SMARCC1: variants seen among roughly 807,000 people sequenced by gnomAD.
SMARCC1 encodes SWI/SNF related BAF chromatin remodeling complex subunit C1, also known as SWI/SNF complex subunit SMARCC1.
Under a neutral mutation model 147.4 loss-of-function variants are expected in SMARCC1, and 43 were observed. The observed-to-expected ratio is 0.29, with a 90% CI of 0.23 to 0.38. SMARCC1 has a LOEUF of 0.38. Ranked by LOEUF, SMARCC1 falls within the 10% of genes least tolerant of loss-of-function variation. The probability of loss-of-function intolerance (pLI) is 1.00; values close to 1 mark genes in which losing one functional copy is unlikely to be tolerated. For synonymous variants in SMARCC1, 495 were observed against 484.4 expected, an observed-to-expected ratio of 1.02 and a Z score of -0.29; for missense variants, 1,119 against 1,381.1, an observed-to-expected ratio of 0.81 and a Z score of 3.01.
At chr3:47,765,659 C>A (rs775100691) in intron 2 of SMARCC1, among the ~76,000 whole-genome samples, 3 of 152,094 alleles carry the variant, frequency 2.0e-5, no homozygotes, top group Non-Finnish European at 4.4e-5. Context: ...TCTCTCCATT[C>A]TGAAATTCAT....
chr3:47,675,146 T>A (rs568730032), intron 18 of SMARCC1, among the ~76,000 whole-genome samples: 10 of 152,336 alleles, frequency 6.6e-5, no homozygotes, highest in Middle Eastern at 3.4e-3. Context: ...TACTAATTTG[T>A]CTCTGAGTTC....
chr3:47,675,595 CAAAT>C lies in SMARCC1; in HGVS notation c.1726-11_1726-8del. ...TCTGTTGAGCAGCAGGAACCTGAGT[CAAAT>C]AAATGATAAATGGCTGAGTTAGCCT... On this transcript the variant is annotated splice_polypyrimidine_tract_variant and splice_region_variant and intron_variant, in intron 17 of 27. Transcript: ENST00000254480. 1.4e-6 allele frequency: 2 copies of C among 1,438,584 alleles called. No homozygotes were observed. The highest frequency in any genetic ancestry group is 9.8e-7 in the Non-Finnish European group (1 of 1,020,510). 89.1% of individuals were successfully genotyped at this position (1,438,584 alleles called of 1,614,324 possible). A position where few individuals can be genotyped will look rare whatever the true frequency, so the allele number is the denominator to read the frequency against.
At chr3:47,772,965 CTAG>C in intron 1 of SMARCC1, 29 bp from the exon 2 acceptor site, 1 of 1,601,436 alleles carries the variant, frequency 6.2e-7, no homozygotes, top group Non-Finnish European at 8.5e-7. Flanking sequence ...CATTCAAAAA[CTAG>C]TACAATTTTT....
At chr3:47,666,381 C>T (rs903467537) in intron 19 of SMARCC1, among the ~76,000 whole-genome samples, 3 of 152,174 alleles carry the variant, frequency 2.0e-5, no homozygotes, top group African/African-American at 7.2e-5. Flanking sequence ...TGTGTTTTAT[C>T]TTTCTCTGTC....
intron 5 of SMARCC1, among the ~76,000 whole-genome samples, chr3:47,729,342 A>ATC (rs761075248): frequency 5.9e-5 from 9 of 152,260 alleles, no homozygotes; most frequent in Middle Eastern, 3.4e-3. Flanking sequence ...TTCTCTACAG[A>ATC]TCTCTCTCTC....
At chr3:47,594,337 C>T (rs758775842) in intron 26 of SMARCC1, among the ~76,000 whole-genome samples, 3 of 152,198 alleles carry the variant, frequency 2.0e-5, no homozygotes, top group South Asian at 2.1e-4. Context: ...CTCAGAGATC[C>T]GCTTGCTGGA....
chr3:47,664,029 TGA>T (rs1204498161), intron 19 of SMARCC1: 3 of 671,632 alleles, frequency 4.5e-6, no homozygotes, highest in Non-Finnish European at 7.4e-6. Context: ...TCCTCTCCTT[TGA>T]GAGGCCCATG....
intron 26 of SMARCC1, among the ~76,000 whole-genome samples, chr3:47,600,739 C>T (rs1391278809): frequency 6.6e-6 from 1 of 152,074 alleles, no homozygotes; most frequent in South Asian, 2.1e-4. Flanking sequence ...AAATCAATTT[C>T]GCACAAAGCA....
intron 19 of SMARCC1, among the ~76,000 whole-genome samples, chr3:47,666,721 T>C (rs1366453527): frequency 1.3e-5 from 2 of 152,064 alleles, no homozygotes; most frequent in Admixed American, 1.3e-4. Context: ...AACACTATGA[T>C]TTTTTGGGGG....
At chr3:47,597,310 C>T (rs939918800) in intron 26 of SMARCC1, among the ~76,000 whole-genome samples, 1 of 152,112 alleles carries the variant, frequency 6.6e-6, no homozygotes, top group Non-Finnish European at 1.5e-5. Context: ...GTGTGCACCA[C>T]CACGTCAGCT....
At chr3:47,656,143 G>A (rs760249182) in intron 21 of SMARCC1, among the ~76,000 whole-genome samples, 6 of 151,960 alleles carry the variant, frequency 3.9e-5, no homozygotes, top group Non-Finnish European at 8.8e-5. Context: ...CCTGGGAGGC[G>A]GAGGTTGCAG....
rs1271128059 is a variant in SMARCC1, at chr3:47,707,889, G to GA, written c.919-1360dup. Reference sequence around the variant, plus strand: ...ATGAGATTCTGTCTCATGCTAAAATGAAAAAATCCATGAATTAAACATTAA... The same window carrying GA: ...ATGAGATTCTGTCTCATGCTAAAATGAAAAAAATCCATGAATTAAACATTAA... On this transcript the variant is annotated intron_variant, in intron 9 of 27. Coordinates refer to ENST00000254480, the MANE Select transcript of SMARCC1 (RefSeq NM_003074.4). 1.1e-4 allele frequency among the ~76,000 whole-genome samples: 17 copies of GA among 151,964 alleles called. No individual in the cohort carries two copies. The East Asian group carries it at 2.5e-3, about 23-fold the overall frequency.
chr3:47,623,296 G>C (rs1025528837), intron 24 of SMARCC1, among the ~76,000 whole-genome samples: 1 of 151,900 alleles, frequency 6.6e-6, no homozygotes, highest in Non-Finnish European at 1.5e-5. Context: ...GTCACAGCAC[G>C]CATCTTACCA....
At chr3:47,769,818 A>G (rs1192667347) in intron 2 of SMARCC1, among the ~76,000 whole-genome samples, 1 of 152,244 alleles carries the variant, frequency 6.6e-6, no homozygotes, top group Non-Finnish European at 1.5e-5. Flanking sequence ...GCCCTTTTAA[A>G]TAAACTTTTC....
chr3:47,695,080 GT>G (rs915425798), intron 11 of SMARCC1, among the ~76,000 whole-genome samples: 2 of 152,162 alleles, frequency 1.3e-5, no homozygotes, highest in African/African-American at 4.8e-5. Flanking sequence ...CACAAAATTC[GT>G]ATGTTGAAAC....
At chr3:47,642,380 A>C (rs943768738) in intron 21 of SMARCC1, among the ~76,000 whole-genome samples, 10 of 152,158 alleles carry the variant, frequency 6.6e-5, no homozygotes, top group Non-Finnish European at 2.9e-5. Context: ...ACTTGAGGTA[A>C]GGAGTTCGAG....
At position 47,675,484 on chromosome 3, in the gene SMARCC1, T is replaced by A; in HGVS notation, c.1830A>T (p.Thr610=). The change falls in exon 18 of 28, where the codon ACA becomes ACT. Residue 610 remains threonine, a synonymous_variant. Coordinates refer to ENST00000254480, the MANE Select transcript of SMARCC1 (RefSeq NM_003074.4). ...GLRTDIYSKK[T]LAKSKGASAG... ...TGATTAGAAAAATTACCTTTGCTAA[T>A]GTTTTCTTGGAGTAAATGTCAGTAC... The A allele has an allele frequency of 6.4e-7, 1 of 1,572,690 alleles. No homozygotes were observed. Among genetic ancestry groups the A allele is most frequent in the East Asian group, 2.2e-5 (1 of 44,678 alleles).
chr3:47,677,614 C>T (rs1305657755), intron 16 of SMARCC1, among the ~76,000 whole-genome samples: 2 of 151,272 alleles, frequency 1.3e-5, no homozygotes, highest in Admixed American at 6.6e-5. Context: ...TGCAGTGGGA[C>T]GATCTCAGCT....
intron 1 of SMARCC1, among the ~76,000 whole-genome samples, chr3:47,780,521 A>G (rs2035033710): frequency 1.3e-5 from 2 of 152,148 alleles, no homozygotes; most frequent in South Asian, 2.1e-4. Flanking sequence ...AATAACTGCC[A>G]AACACTGACA....
Sources: gnomAD v4.1 joint callset for allele counts (sites outside exome capture counted in the v4.1 genomes callset) on GRCh38, gnomAD v4.1.1 for gene constraint, MANE v1.5 for transcripts, NCBI Gene and HGNC (gene_info 2026-07-23, HGNC 2026-07-21) for gene names.